The following NBPF26 variants were observed in gnomAD, a reference collection of about 807,000 sequenced individuals.
NBPF26 encodes NBPF family member NBPF26.
In NBPF26, 79 loss-of-function variants were observed where a neutral mutation model predicts 119.6. The observed-to-expected ratio is 0.66, with a 90% CI of 0.55 to 0.80. NBPF26 has a LOEUF of 0.80. Among genes scored for constraint, NBPF26 ranks in the 30% least tolerant of loss-of-function variants. The pLI, the probability that NBPF26 is intolerant of heterozygous loss-of-function variation, is 0.00. For synonymous variants in NBPF26, 299 were observed against 457.7 expected, an observed-to-expected ratio of 0.65 and a Z score of 4.43; for missense variants, 800 against 1,198.2, an observed-to-expected ratio of 0.67 and a Z score of 4.91.
chr1:120,801,249 TAGAG>T (rs1651577770), intron 4 of NBPF26, among the ~76,000 whole-genome samples: 1 of 109,874 alleles, frequency 9.1e-6, no homozygotes, highest in Admixed American at 9.0e-5. Flanking sequence ...CATCTATATA[TAGAG>T]AAAGTAGATT....
rs1168393700 is a variant in NBPF26 at position 120,784,937 on chromosome 1, T to G, written c.156-37T>G. The stretch of plus-strand genomic sequence containing the variant: ...TGTAATTTTTTGGACTTACAAGAAG[T>G]CAGGTGTTTTCATGGACTCTTCTCT... On this transcript the variant is annotated intron_variant, in intron 2 of 29. Transcript: ENST00000620612. 23 of 1,234,546 alleles carry G rather than the reference T, an allele frequency of 1.9e-5. 4 individuals carry two copies. Among genetic ancestry groups the G allele is most frequent in the East Asian group, 4.8e-5 (2 of 41,280 alleles). The allele number at this position is 1,234,546 out of a possible 1,614,324, so 76.5% of individuals were successfully genotyped here. A position where few individuals can be genotyped will look rare whatever the true frequency, so the allele number is the denominator to read the frequency against.
chr1:120,799,924 AAAT>A lies in NBPF26; in HGVS notation c.752-5624_752-5622del, dbSNP rs1651568175. ...TAACAAATGCTATAATACCACTGAC[AAAT>A]AATAATATTAGCTAATATGTGTAAG... On this transcript the variant is annotated intron_variant, in intron 4 of 29. Coordinates refer to ENST00000620612, the Ensembl canonical transcript of NBPF26. Among the ~76,000 whole-genome samples, 3 of 97,024 alleles carry A rather than the reference AAAT, an allele frequency of 3.1e-5. 1 individual carries two copies. Among genetic ancestry groups the A allele is most frequent in the African/African-American group, 5.8e-5 (1 of 17,272 alleles). 63.7% of individuals were successfully genotyped at this position (97,024 alleles called of 152,430 possible).
In NBPF26 at chr1:120,818,809, A is replaced by T. The variant is rs1486475803; in HGVS notation, c.2423+635A>T. Among the ~76,000 whole-genome samples, 15 of 118,840 alleles carry T rather than the reference A, an allele frequency of 1.3e-4. 1 individual carries two copies. In the East Asian group the frequency reaches 3.0e-3, roughly 24 times the overall value. 78.0% of individuals were successfully genotyped at this position (118,840 alleles called of 152,430 possible). A position where few individuals can be genotyped will look rare whatever the true frequency, so the allele number is the denominator to read the frequency against. ...TGTGCGGTTTTGAGTGAGTTTCTTA[A>T]TCCTGAGTTCTAATTTGATGGCACT... On this transcript the variant is annotated intron_variant, in intron 15 of 29. Transcript: ENST00000620612.
rs1488679316 is a variant in NBPF26, at chr1:120,763,062, C to T, written c.74-566C>T. On this transcript the variant is annotated intron_variant, in intron 1 of 29. Coordinates refer to ENST00000620612, the Ensembl canonical transcript of NBPF26. ...CTTAAAGCTAGAGATTATGTTTATT[C>T]GGTTATTTATGTATTCCATTTCTCC... 5.8e-5 allele frequency among the ~76,000 whole-genome samples: 5 copies of T among 85,676 alleles called. 1 individual carries two copies. The highest frequency in any genetic ancestry group is 6.4e-4 in the South Asian group (2 of 3,106). The allele number at this position is 85,676 out of a possible 152,430, so 56.2% of individuals were successfully genotyped here. A position where few individuals can be genotyped will look rare whatever the true frequency, so the allele number is the denominator to read the frequency against.
At position 120,790,760 on chromosome 1, in the gene NBPF26, C is replaced by T. The variant is rs1423552525; in HGVS notation, c.416-2401C>T. ...GATTACAGGTATGCGCTATGAAGCC[C>T]GGCTAATTTTTGTATTTTTAGAAAA... On this transcript the variant is annotated intron_variant, in intron 3 of 29. Transcript: ENST00000620612. 1.0e-4 allele frequency among the ~76,000 whole-genome samples: 11 copies of T among 108,320 alleles called. 1 individual carries two copies. The East Asian group carries it at 1.1e-3, about 11-fold the overall frequency. The allele number at this position is 108,320 out of a possible 152,430, so 71.1% of individuals were successfully genotyped here. A position where few individuals can be genotyped will look rare whatever the true frequency, so the allele number is the denominator to read the frequency against.
intron 17 of NBPF26, among the ~76,000 whole-genome samples, 192 bp from the exon 18 acceptor site, chr1:120,823,782 G>GTGTGTGTGTGTGTGTC: frequency 8.9e-6 from 1 of 112,248 alleles, no homozygotes; most frequent in Middle Eastern, 3.9e-3. Context: ...GTGTGTGTGT[G>GTGTGTGTGTGTGTGTC]TGTGTGTGTC....
rs1553269601 is a variant in NBPF26, at chr1:120,805,375, G to C, written c.752-181G>C. 35 of 1,093,038 alleles carry C rather than the reference G, an allele frequency of 3.2e-5. 5 individuals are homozygous for C. The highest frequency in any genetic ancestry group is 4.2e-5 in the Non-Finnish European group (33 of 787,428). The allele number at this position is 1,093,038 out of a possible 1,614,324, so 67.7% of individuals were successfully genotyped here. On this transcript the variant is annotated intron_variant, in intron 4 of 29. Coordinates refer to ENST00000620612, the Ensembl canonical transcript of NBPF26. ...AGCTACTGGCAGTGCTTTCAGCTCT[G>C]AGTTGAGGCACCTCGAACCTTGTTT...
chr1:120,820,446 AAATATAT>A (rs1381558704), intron 15 of NBPF26, among the ~76,000 whole-genome samples: 5 of 22,156 alleles, frequency 2.3e-4, no homozygotes, highest in African/African-American at 8.7e-4. Flanking sequence ...AAAGTATTAA[AAATATAT>A]ATATATATAT....
chr1:120,811,976 A>C lies in NBPF26; in HGVS notation c.1655A>C (p.Glu552Ala). 3 of 1,237,192 alleles carry C rather than the reference A, an allele frequency of 2.4e-6. 1 individual carries two copies. In the South Asian group the frequency reaches 3.8e-5, roughly 16 times the overall value. 76.6% of individuals were successfully genotyped at this position (1,237,192 alleles called of 1,614,324 possible). A position where few individuals can be genotyped will look rare whatever the true frequency, so the allele number is the denominator to read the frequency against. ...GAGAAGGCAGCGATAAACATTCTAGAAATCAATGAGAAATTGCGCCCCCAG... is the reference window on the plus strand; with the variant it reads ...GAGAAGGCAGCGATAAACATTCTAGCAATCAATGAGAAATTGCGCCCCCAG... Residue 552 changes from glutamate (E) to alanine (A), a missense_variant, in exon 10 of 30, where the codon GAA becomes GCA. Physicochemically the swap from Glu to Ala is moderately radical, Grantham distance 107. Around this residue, in one of 13 missense-constraint regions of NBPF26, gnomAD observed 72 missense variants for 81.1 expected, o/e 0.89. Coordinates refer to ENST00000620612, the Ensembl canonical transcript of NBPF26.
chr1:120,829,466 TG>T (rs1241229532), intron 18 of NBPF26, among the ~76,000 whole-genome samples: 1 of 101,060 alleles, frequency 9.9e-6, no homozygotes, highest in African/African-American at 6.7e-5. Flanking sequence ...AGCAACCATT[TG>T]GGGGCAATTG....
At chr1:120,814,832 A>C (rs1217539906) in exon 12 of NBPF26, 10 of 1,259,750 alleles carry the variant, frequency 7.9e-6, no homozygotes, top group Non-Finnish European at 1.1e-5. Context: ...ACCTTAGGCA[A>C]TATAAAGTCC....
Position 120,777,591 on chromosome 1 carries a change from C to CT in NBPF26, c.156-7375dup, listed in dbSNP as rs1374197165. On this transcript the variant is annotated intron_variant, in intron 2 of 29. Transcript: ENST00000620612. Reference sequence around the variant, plus strand: ...CTGGACACCAATCTATACACAAATACTTTTTTTTAAAGTTCTTTTTGTTTT... The same window carrying CT: ...CTGGACACCAATCTATACACAAATACTTTTTTTTTAAAGTTCTTTTTGTTTT... 3.2e-5 allele frequency among the ~76,000 whole-genome samples: 3 copies of CT among 93,106 alleles called. 1 individual carries two copies. Among genetic ancestry groups the CT allele is most frequent in the South Asian group, 6.5e-4 (2 of 3,056 alleles). 61.1% of individuals were successfully genotyped at this position (93,106 alleles called of 152,430 possible).
At position 120,755,933 on chromosome 1, in the gene NBPF26, CTTTTTTT is replaced by C. The variant is rs1168463033; in HGVS notation, c.74-7679_74-7673del. 7.1e-4 allele frequency among the ~76,000 whole-genome samples: 62 copies of C among 87,300 alleles called. 9 individuals carry two copies. Among genetic ancestry groups the C allele is most frequent in the South Asian group, 2.1e-3 (6 of 2,810 alleles). The allele number at this position is 87,300 out of a possible 152,430, so 57.3% of individuals were successfully genotyped here. ...AACAAAATCGATTTATCTCTTATTG[CTTTTTTT>C]TTTTTTTTTTTTTTTCCTTTCAATC... On this transcript the variant is annotated intron_variant, in intron 1 of 29. Coordinates refer to ENST00000620612, the Ensembl canonical transcript of NBPF26.
exon 4 of NBPF26, chr1:120,793,394 T>C: frequency 1.4e-6 from 2 of 1,438,316 alleles, no homozygotes; most frequent in Non-Finnish European, 1.9e-6. Flanking sequence ...CACAGGCCAG[T>C]ACTGTGACAG....
intron 18 of NBPF26, among the ~76,000 whole-genome samples, 200 bp downstream of exon 19, chr1:120,825,117 G>A (rs1652232005): frequency 8.2e-6 from 1 of 121,988 alleles, no homozygotes; most frequent in East Asian, 2.1e-4. Flanking sequence ...CTTACTATAG[G>A]TTGACCATAC....
intron 18 of NBPF26, among the ~76,000 whole-genome samples, chr1:120,825,603 AACTG>A (rs1652250380): frequency 1.1e-5 from 1 of 90,442 alleles, no homozygotes; most frequent in Non-Finnish European, 1.9e-5. Context: ...GGTTGTCTTG[AACTG>A]ACTGACTCAT....
chr1:120,815,299 A>G lies in NBPF26; in HGVS notation c.2092+256A>G, dbSNP rs1651983947. 1.7e-5 allele frequency among the ~76,000 whole-genome samples: 2 copies of G among 116,750 alleles called. 1 individual carries two copies. The highest frequency in any genetic ancestry group is 1.0e-4 in the African/African-American group (2 of 19,678). The allele number at this position is 116,750 out of a possible 152,430, so 76.6% of individuals were successfully genotyped here. A position where few individuals can be genotyped will look rare whatever the true frequency, so the allele number is the denominator to read the frequency against. On this transcript the variant is annotated intron_variant, in intron 12 of 29. Transcript: ENST00000620612. ...CAAGAGGCAGCATCTATCTAGTTTT[A>G]AAGGACAGGAAGGAGGCTGGGATGG...
Position 120,805,701 on chromosome 1 carries a change from C to A in NBPF26, c.897C>A (p.Asn299Lys), listed in dbSNP as rs1553269765. The change falls in exon 5 of 30, where the codon AAC becomes AAA. Residue 299 changes from asparagine (N) to lysine (K), a missense_variant. Coordinates refer to ENST00000620612, the Ensembl canonical transcript of NBPF26. ...CAGAGAACAAACAGCAGTTGAGAAACCTCAAAGAGAAATGTTTTCTAACTC... is the reference window on the plus strand; with the variant it reads ...CAGAGAACAAACAGCAGTTGAGAAAACTCAAAGAGAAATGTTTTCTAACTC... The A allele has an allele frequency of 5.9e-5, 86 of 1,455,644 alleles. 17 individuals carry two copies. The Admixed American group carries it at 1.0e-3, about 17-fold the overall frequency. The allele number at this position is 1,455,644 out of a possible 1,614,324, so 90.2% of individuals were successfully genotyped here. A position where few individuals can be genotyped will look rare whatever the true frequency, so the allele number is the denominator to read the frequency against.
In NBPF26 at chr1:120,745,267, G is replaced by A. The variant is rs1198150313; in HGVS notation, c.74-18361G>A. Among the ~76,000 whole-genome samples the A allele has an allele frequency of 1.9e-5, 2 of 104,596 alleles. 1 individual carries two copies. The highest frequency in any genetic ancestry group is 4.5e-4 in the East Asian group (2 of 4,404). 68.6% of individuals were successfully genotyped at this position (104,596 alleles called of 152,430 possible). On this transcript the variant is annotated intron_variant, in intron 1 of 29. Coordinates refer to ENST00000620612, the Ensembl canonical transcript of NBPF26. Reference sequence around the variant, plus strand: ...ATGGGTCATGAAACCAATTTGGTAGGTCTCCAACAGCACTTTGGGGGAAAA... The same window carrying A: ...ATGGGTCATGAAACCAATTTGGTAGATCTCCAACAGCACTTTGGGGGAAAA...
Sources: gnomAD v4.1 joint callset for allele counts (sites outside exome capture counted in the v4.1 genomes callset) on GRCh38, gnomAD v4.1.1 for gene constraint, gnomAD v4.1.1 regional missense constraint, MANE v1.5 for transcripts, NCBI Gene and HGNC (gene_info 2026-07-23, HGNC 2026-07-21) for gene names.